Variants in OPA3 observed in about 807,000 individuals in gnomAD.
The protein encoded by OPA3 is outer mitochondrial membrane lipid metabolism regulator OPA3, also known as optic atrophy 3 protein.
Under a neutral mutation model 4.0 loss-of-function variants are expected in OPA3, and 6 were observed. The observed-to-expected ratio is 1.51, with a 90% CI of 0.83 to 2.99. OPA3 has a LOEUF of 2.99. Ranked by LOEUF, OPA3 falls within the 30% of genes most tolerant of loss-of-function variation. The probability of loss-of-function intolerance (pLI) is 0.00; values close to 1 mark genes in which losing one functional copy is unlikely to be tolerated. For synonymous variants in OPA3, 105 were observed against 117.1 expected (o/e 0.90, Z 0.67); for missense variants, 235 against 256.2 (o/e 0.92, Z 0.56).
intron 1 of OPA3, chr19:45,529,600 GA>G: frequency 4.2e-6 from 4 of 958,524 alleles, no homozygotes; most frequent in Non-Finnish European, 6.4e-6. Flanking sequence ...CCTTAACGAA[GA>G]CAAGTGCAGG....
intron 1 of OPA3, among the ~76,000 whole-genome samples, chr19:45,567,253 T>G (rs1969596283): frequency 6.7e-6 from 1 of 149,448 alleles, no homozygotes; most frequent in African/African-American, 2.5e-5. Flanking sequence ...GGCAGGAGGA[T>G]CGCTTGATCC....
intron 1 of OPA3, among the ~76,000 whole-genome samples, chr19:45,572,791 A>G (rs367661035): frequency 1.2e-5 from 1 of 80,198 alleles, no homozygotes; most frequent in South Asian, 3.6e-4. Context: ...CTATATATAG[A>G]TATATATATC....
chr19:45,564,984 CG>C (rs899906956), intron 1 of OPA3, among the ~76,000 whole-genome samples: 96 of 150,190 alleles, frequency 6.4e-4, no homozygotes, highest in African/African-American at 2.3e-3. Flanking sequence ...CCCAGCACTT[CG>C]GGAGACCGAG....
At position 45,557,844 on chromosome 19, in the gene OPA3, G is replaced by A. The variant is rs566432937; in HGVS notation, c.143-3933C>T. ...TGTCCTGTAAGCCTCACAAGGGTGG[G>A]GCCCAGGGCTGTCACAGTCACTGCT... On this transcript the variant is annotated intron_variant, in intron 1 of 1. Transcript: ENST00000263275. Among the ~76,000 whole-genome samples, 277 of 152,298 alleles carry A rather than the reference G, an allele frequency of 1.8e-3. 1 individual carries two copies. Among genetic ancestry groups the A allele is most frequent in the Admixed American group, 4.4e-3 (67 of 15,292 alleles).
intron 1 of OPA3, among the ~76,000 whole-genome samples, chr19:45,531,423 G>T (rs1232350839): frequency 2.0e-5 from 3 of 152,148 alleles, no homozygotes; most frequent in African/African-American, 4.8e-5. Flanking sequence ...ATGGGACCAA[G>T]ATCATCCAGA....
intron 1 of OPA3, among the ~76,000 whole-genome samples, chr19:45,579,741 AAATAATAAT>A (rs143143527): frequency 6.6e-6 from 1 of 151,686 alleles, no homozygotes; most frequent in East Asian, 1.9e-4. Flanking sequence ...TATATACACA[AAATAATAAT>A]AATAATAATA....
At chr19:45,559,010 A>G (rs2122455540) in intron 1 of OPA3, among the ~76,000 whole-genome samples, 1 of 151,662 alleles carries the variant, frequency 6.6e-6, no homozygotes, top group East Asian at 1.9e-4. Context: ...GAGCCTCCCA[A>G]GTAGCTGGGA....
chr19:45,584,739 G>A lies in OPA3; in HGVS notation c.26C>T (p.Ala9Val). 1 of 1,614,040 alleles carries A rather than the reference G, an allele frequency of 6.2e-7. No homozygotes were observed. The highest frequency in any genetic ancestry group is 8.5e-7 in the Non-Finnish European group (1 of 1,180,030). The change falls in exon 1 of 2, where the codon GCG (alanine) becomes GTG (valine). Residue 9 changes from alanine to valine, a missense_variant. By Grantham distance (64) the Ala-to-Val change is moderately conservative. Coordinates refer to ENST00000263275, the MANE Select transcript of OPA3 (RefSeq NM_025136.4). MVVGAFPM[A>V]KLLYLGIRQV... ...CCGGATGCCCAAGTATAGCAGCTTC[G>A]CCATAGGGAACGCGCCCACCACCAT...
intron 1 of OPA3, among the ~76,000 whole-genome samples, chr19:45,570,016 C>T (rs1277874162): frequency 6.6e-6 from 1 of 152,184 alleles, no homozygotes; most frequent in East Asian, 1.9e-4. Context: ...TACAGAGATA[C>T]ACCGGGGTCA....
intron 1 of OPA3, among the ~76,000 whole-genome samples, chr19:45,535,564 G>T (rs1384105641): frequency 6.6e-6 from 1 of 151,618 alleles, no homozygotes; most frequent in East Asian, 1.9e-4. Context: ...TCGCCATGTT[G>T]TTCAGGCTGG....
chr19:45,566,215 T>A (rs950176742), intron 1 of OPA3, among the ~76,000 whole-genome samples: 1 of 141,728 alleles, frequency 7.1e-6, no homozygotes, highest in Non-Finnish European at 1.5e-5. Context: ...AAAGGCGCAA[T>A]CTCAGCTCAC....
chr19:45,581,815 G>A (rs1042330365), intron 1 of OPA3, among the ~76,000 whole-genome samples: 2 of 152,162 alleles, frequency 1.3e-5, no homozygotes, highest in South Asian at 4.1e-4. Context: ...GTTTGTTTGA[G>A]ATTGAGACAG....
chr19:45,551,010 G>T lies in OPA3; in HGVS notation c.*2504C>A. The T allele has an allele frequency of 2.1e-6, 2 of 955,764 alleles. No individual in the cohort carries two copies. Among genetic ancestry groups the T allele is most frequent in the Non-Finnish European group, 2.5e-6 (2 of 802,972 alleles). The allele number at this position is 955,764 out of a possible 1,614,324, so 59.2% of individuals were successfully genotyped here. A position where few individuals can be genotyped will look rare whatever the true frequency, so the allele number is the denominator to read the frequency against. On this transcript the variant is annotated 3_prime_UTR_variant, in exon 2 of 2. Transcript: ENST00000263275. The stretch of plus-strand genomic sequence containing the variant: ...GGGTCTCACTCTGTCATCCAGGCTG[G>T]AGTGTAGTGGCGCGATCACGGCTCG...
chr19:45,584,591 A>C (rs2122529008), intron 1 of OPA3, 32 bp downstream of exon 1: 1 of 1,614,100 alleles, frequency 6.2e-7, no homozygotes, highest in East Asian at 2.2e-5. Flanking sequence ...GGAGAAAGGA[A>C]AAAGGTTGGA....
At chr19:45,545,747 C>G (rs187918425), downstream of OPA3, among the ~76,000 whole-genome samples, 3 of 136,274 alleles carry the variant, frequency 2.2e-5, no homozygotes, top group African/African-American at 8.2e-5. Flanking sequence ...GAGTCTCACT[C>G]TGTTGCCCAG....
At chr19:45,573,118 T>C (rs1969713371) in intron 1 of OPA3, among the ~76,000 whole-genome samples, 1 of 151,970 alleles carries the variant, frequency 6.6e-6, no homozygotes, top group South Asian at 2.1e-4. Context: ...TTGTGTGCCT[T>C]CAGACGGAGG....
At chr19:45,533,937 T>A (rs4803830) in intron 1 of OPA3, among the ~76,000 whole-genome samples, 115,898 of 152,208 alleles carry the variant, frequency 0.76, 44,346 homozygotes, top group South Asian at 0.86. Context: ...TGAATTCTAG[T>A]ATCAGTTTGT....
intron 1 of OPA3, among the ~76,000 whole-genome samples, chr19:45,562,208 G>A (rs1042797885): frequency 2.0e-5 from 3 of 151,348 alleles, no homozygotes; most frequent in African/African-American, 7.3e-5. Context: ...TTAGCCGGGA[G>A]TGGTGATGCA....
chr19:45,531,745 C>T (rs1368647925), intron 1 of OPA3, among the ~76,000 whole-genome samples: 1 of 152,190 alleles, frequency 6.6e-6, no homozygotes, highest in Admixed American at 6.5e-5. Context: ...GTTTGGTGGC[C>T]TGGTTCCACG....
Sources: allele counts gnomAD v4.1 joint callset (sites outside exome capture counted in the v4.1 genomes callset), GRCh38; gene constraint gnomAD v4.1.1; transcripts MANE v1.5; gene names NCBI Gene and HGNC (gene_info 2026-07-23, HGNC 2026-07-21).